Variants in RPH3A observed in about 807,000 individuals in gnomAD.
RPH3A encodes the protein rabphilin 3A.
A neutral mutation model predicts 102.2 loss-of-function variants in RPH3A; 48 were observed. The ratio of observed to expected loss-of-function variants is 0.47; its 90% CI spans 0.37 to 0.60. RPH3A has a LOEUF of 0.60. RPH3A is among the 20% of genes least tolerant of loss of function. RPH3A has a pLI of 0.00. For missense variants in RPH3A, 781 were observed against 910.1 expected, an observed-to-expected ratio of 0.86 and a Z score of 1.83; for synonymous variants, 310 against 324.3, an observed-to-expected ratio of 0.96 and a Z score of 0.47.
Position 112,791,945 on chromosome 12 carries a change from T to G in RPH3A, c.-207T>G, listed in dbSNP as rs2041126169. On this transcript the variant is annotated 5_prime_UTR_variant, in exon 1 of 22. An upstream open reading frame in the 5' UTR loses its in-frame stop. Transcript: ENST00000389385. ...ACCTTCATCCATGTGGAGGACAGTC[T>G]GAGGGAGCCACTGTCCCTTGTCCAC... The G allele has an allele frequency of 8.0e-6, 1 of 125,382 alleles. No homozygotes were observed. The highest frequency in any genetic ancestry group is 2.7e-4 in the South Asian group (1 of 3,656). 7.8% of individuals were successfully genotyped at this position (125,382 alleles called of 1,614,324 possible).
At chr12:112,780,203 A>G (rs2040998232) in intron 1 of RPH3A, among the ~76,000 whole-genome samples, 1 of 152,166 alleles carries the variant, frequency 6.6e-6, no homozygotes, top group Non-Finnish European at 1.5e-5. Context: ...CTCATCTTTA[A>G]AAAATTTTAT....
intron 1 of RPH3A, among the ~76,000 whole-genome samples, chr12:112,755,764 G>C (rs1446564383): frequency 1.3e-5 from 2 of 152,012 alleles, no homozygotes; most frequent in African/African-American, 2.4e-5. Context: ...CTATCTAGTT[G>C]CTATCAGCAG....
chr12:112,678,254 A>T (rs1320208210), intron 1 of RPH3A, among the ~76,000 whole-genome samples: 1 of 53,266 alleles, frequency 1.9e-5, no homozygotes, highest in Non-Finnish European at 3.6e-5. Flanking sequence ...AGAAAGAAAG[A>T]AAGAAAGAAA....
chr12:112,821,663 C>G (rs116480293), intron 2 of RPH3A, among the ~76,000 whole-genome samples: 33 of 152,318 alleles, frequency 2.2e-4, no homozygotes, highest in African/African-American at 7.7e-4. Flanking sequence ...ACACTTCCCC[C>G]CAAGTTCCCA....
At chr12:112,747,897 C>T (rs936218310) in intron 1 of RPH3A, among the ~76,000 whole-genome samples, 8 of 152,324 alleles carry the variant, frequency 5.3e-5, no homozygotes, top group Middle Eastern at 3.4e-3. Context: ...GCTCTTCCAT[C>T]CTCAACGCCT....
intron 10 of RPH3A, among the ~76,000 whole-genome samples, chr12:112,872,071 C>A (rs2042718742): frequency 6.6e-6 from 1 of 152,102 alleles, no homozygotes; most frequent in South Asian, 2.1e-4. Context: ...AGTGAAGTTG[C>A]TGGATCATAT....
Position 112,797,156 on chromosome 12 carries a change from A to G in RPH3A, c.-19+4893A>G, listed in dbSNP as rs572771822. On this transcript the variant is annotated intron_variant, in intron 2 of 21. Coordinates refer to ENST00000389385, the MANE Select transcript of RPH3A (RefSeq NM_001143854.2). ...AGAGGGCTCCCCGAGTCACCCAAAGATATTCAGTTCACTGATACCTGAAAT... is the reference window on the plus strand; with the variant it reads ...AGAGGGCTCCCCGAGTCACCCAAAGGTATTCAGTTCACTGATACCTGAAAT... 9.2e-5 allele frequency among the ~76,000 whole-genome samples: 14 copies of G among 152,324 alleles called. No homozygotes were observed. In the South Asian group the frequency reaches 1.7e-3, roughly 18 times the overall value.
intron 1 of RPH3A, among the ~76,000 whole-genome samples, chr12:112,669,829 T>C (rs1431190411): frequency 6.6e-6 from 1 of 152,206 alleles, no homozygotes; most frequent in Non-Finnish European, 1.5e-5. Flanking sequence ...AATATTCTAT[T>C]GTATGGCTAT....
intron 1 of RPH3A, among the ~76,000 whole-genome samples, chr12:112,685,006 C>T (rs775017668): frequency 1.3e-5 from 2 of 152,194 alleles, no homozygotes; most frequent in Non-Finnish European, 2.9e-5. Context: ...AGTGAAGTGG[C>T]ATGATCATGG....
intron 1 of RPH3A, among the ~76,000 whole-genome samples, chr12:112,778,643 G>A (rs551630245): frequency 8.5e-5 from 13 of 152,286 alleles, no homozygotes; most frequent in Admixed American, 2.6e-4. Flanking sequence ...ATATAATGGC[G>A]TCAGGAATCA....
At chr12:112,620,307 G>T (rs895256370) in intron 1 of RPH3A, among the ~76,000 whole-genome samples, 1 of 152,148 alleles carries the variant, frequency 6.6e-6, no homozygotes, top group Non-Finnish European at 1.5e-5. Flanking sequence ...GTAGGGATGG[G>T]GTAGATATCC....
Position 112,737,479 on chromosome 12 carries a change from A to T in RPH3A, c.-139-54664A>T, listed in dbSNP as rs192507606. On this transcript the variant is annotated intron_variant, in intron 1 of 21. Coordinates refer to the RPH3A transcript ENST00000543106. The stretch of plus-strand genomic sequence containing the variant: ...TTATTATTTTTAGATGTATTCTTGA[A>T]TGATAGCTCCCAAATGGATCTTCCC... Among the ~76,000 whole-genome samples the T allele has an allele frequency of 2.8e-4, 43 of 152,302 alleles. No individual in the cohort carries two copies. The East Asian group carries it at 3.5e-3, about 12-fold the overall frequency.
chr12:112,582,846 GATGC>G, intron 1 of RPH3A, among the ~76,000 whole-genome samples: 1 of 152,306 alleles, frequency 6.6e-6, no homozygotes, highest in South Asian at 2.1e-4. Flanking sequence ...CATTTTGGTT[GATGC>G]CAGCTTTTCT....
intron 1 of RPH3A, among the ~76,000 whole-genome samples, chr12:112,682,521 C>T (rs566301840): frequency 3.9e-5 from 6 of 152,096 alleles, no homozygotes; most frequent in Non-Finnish European, 7.4e-5. Context: ...TTAACCCAGT[C>T]AAGTTAACAC....
At chr12:112,675,741 C>T (rs943259671) in intron 1 of RPH3A, among the ~76,000 whole-genome samples, 2 of 152,152 alleles carry the variant, frequency 1.3e-5, no homozygotes, top group Admixed American at 1.3e-4. Context: ...GTATATGTTG[C>T]TGTCTGTGCA....
At chr12:112,640,602 G>T (rs1592921196) in intron 1 of RPH3A, among the ~76,000 whole-genome samples, 1 of 152,138 alleles carries the variant, frequency 6.6e-6, no homozygotes, top group South Asian at 2.1e-4. Flanking sequence ...ATCTCAGTTT[G>T]GAGCAATAGA....
intron 1 of RPH3A, among the ~76,000 whole-genome samples, chr12:112,767,650 T>C (rs2040899584): frequency 1.3e-5 from 2 of 152,334 alleles, no homozygotes; most frequent in South Asian, 4.2e-4. Flanking sequence ...CCTCTCTGGT[T>C]TGTCCTTGGG....
chr12:112,748,287 G>A (rs766206734), intron 1 of RPH3A, among the ~76,000 whole-genome samples: 11 of 152,138 alleles, frequency 7.2e-5, no homozygotes, highest in East Asian at 1.9e-4. Context: ...GGAATCATGC[G>A]GAATGTTTAA....
intron 1 of RPH3A, among the ~76,000 whole-genome samples, chr12:112,723,513 C>T (rs548041096): frequency 6.6e-5 from 10 of 152,324 alleles, no homozygotes; most frequent in African/African-American, 1.7e-4. Context: ...TCCTGCAACT[C>T]GACTTTTTCT....
Sources: gnomAD v4.1 joint callset for allele counts (sites outside exome capture counted in the v4.1 genomes callset) on GRCh38, gnomAD v4.1.1 for gene constraint, MANE v1.5 for transcripts, NCBI Gene and HGNC (gene_info 2026-07-23, HGNC 2026-07-21) for gene names.